Variants in USP6NL observed in about 807,000 individuals in gnomAD.
USP6NL encodes the protein USP6 N-terminal like.
Under a neutral mutation model 61.9 loss-of-function variants are expected in USP6NL, and 26 were observed. That is an observed-to-expected ratio of 0.42 (90% confidence interval 0.31 to 0.58). The LOEUF is 0.58. Among genes scored for constraint, USP6NL ranks in the 20% least tolerant of loss-of-function variants. The probability of loss-of-function intolerance (pLI) is 0.16; values close to 1 mark genes in which losing one functional copy is unlikely to be tolerated. For synonymous variants in USP6NL, 432 were observed against 390.1 expected (o/e 1.11, Z -1.27); for missense variants, 1,114 against 1,034.3 (o/e 1.08, Z -1.06).
intron 2 of USP6NL, among the ~76,000 whole-genome samples, chr10:11,583,336 C>T (rs1248790951): frequency 3.3e-5 from 5 of 151,524 alleles, no homozygotes; most frequent in Admixed American, 6.6e-5. Context: ...TACAAGAGCC[C>T]GCCACTGTGG....
rs531727697 is a variant in USP6NL, at chr10:11,592,972, C to G, written c.4+4659G>C. Among the ~76,000 whole-genome samples the G allele has an allele frequency of 4.6e-5, 7 of 152,352 alleles. No homozygotes were observed. The South Asian group carries it at 1.4e-3, about 32-fold the overall frequency. On this transcript the variant is annotated intron_variant, in intron 2 of 14. Coordinates refer to ENST00000609104, the MANE Select transcript of USP6NL (RefSeq NM_014688.5). The surrounding 1 kb of genome is among the most constrained non-coding windows in gnomAD (Gnocchi z 4.7). The stretch of plus-strand genomic sequence containing the variant: ...ATACTATTAGAAAACCACAAATACA[C>G]TACACCCCAAATTACTCACTGCCAT...
chr10:11,479,641 T>G (rs1303359214), intron 14 of USP6NL, among the ~76,000 whole-genome samples: 1 of 150,598 alleles, frequency 6.6e-6, no homozygotes, highest in Non-Finnish European at 1.5e-5. Flanking sequence ...AGTGACGCGA[T>G]CTCAGCTCAC....
chr10:11,578,510 G>A (rs564291029), intron 2 of USP6NL, among the ~76,000 whole-genome samples: 34 of 152,210 alleles, frequency 2.2e-4, no homozygotes, highest in South Asian at 6.2e-4. Context: ...AGGCAAAGGC[G>A]GAAGGATCCC....
At chr10:11,538,891 AC>A (rs778276493) in intron 2 of USP6NL, among the ~76,000 whole-genome samples, 2 of 150,670 alleles carry the variant, frequency 1.3e-5, no homozygotes, top group Non-Finnish European at 3.0e-5. Flanking sequence ...TTGTGCTCCA[AC>A]CCTCTCTTCA....
chr10:11,529,406 A>G (rs1262397156), intron 2 of USP6NL, among the ~76,000 whole-genome samples: 1 of 152,226 alleles, frequency 6.6e-6, no homozygotes, highest in African/African-American at 2.4e-5. Flanking sequence ...ATCCTTACCC[A>G]GCACTACTGC....
At chr10:11,568,359 CAA>C (rs1837243286) in intron 2 of USP6NL, among the ~76,000 whole-genome samples, 2 of 152,252 alleles carry the variant, frequency 1.3e-5, no homozygotes, top group South Asian at 2.1e-4. Flanking sequence ...CACCATGACA[CAA>C]AGACATTCGC....
chr10:11,548,944 T>C lies in USP6NL; in HGVS notation c.5-21377A>G, dbSNP rs985423740. On this transcript the variant is annotated intron_variant, in intron 2 of 14. Coordinates refer to ENST00000609104, the MANE Select transcript of USP6NL (RefSeq NM_014688.5). This position sits in a 1 kb window ranked among gnomAD's most constrained non-coding sequence, Gnocchi z 4.3. ...GACCATTATTTCCTTTTAAACCCAT[T>C]CATAAACCATGATTTAATAAAACTA... 7.2e-5 allele frequency among the ~76,000 whole-genome samples: 11 copies of C among 152,302 alleles called. No homozygotes were observed. The highest frequency in any genetic ancestry group is 7.2e-4 in the Admixed American group (11 of 15,290).
rs986816802 is a variant in USP6NL at position 11,585,607 on chromosome 10, A to G, written c.4+12024T>C. On this transcript the variant is annotated intron_variant, in intron 2 of 14. Coordinates refer to ENST00000609104, the MANE Select transcript of USP6NL (RefSeq NM_014688.5). The surrounding 1 kb of genome is among the most constrained non-coding windows in gnomAD (Gnocchi z 4.5). The stretch of plus-strand genomic sequence containing the variant: ...AACCCGGGATGCGGAGCTTTCAGTG[A>G]GCCGTGATCAAGGACACTGCACTCC... Among the ~76,000 whole-genome samples the G allele has an allele frequency of 2.2e-4, 34 of 152,244 alleles. No individual in the cohort carries two copies. The highest frequency in any genetic ancestry group is 7.0e-4 in the African/African-American group (29 of 41,538).
chr10:11,596,775 C>T lies in USP6NL; in HGVS notation c.4+856G>A, dbSNP rs1838343259. Among the ~76,000 whole-genome samples the T allele has an allele frequency of 1.3e-5, 2 of 152,128 alleles. No homozygotes were observed. Among genetic ancestry groups the T allele is most frequent in the Admixed American group, 6.5e-5 (1 of 15,272 alleles). ...CAATATTATTCTTAGTAGAAGCACT[C>T]CAATATTTTACAACAGCAGCGTCAT... On this transcript the variant is annotated intron_variant, in intron 2 of 14. Coordinates refer to ENST00000609104, the MANE Select transcript of USP6NL (RefSeq NM_014688.5). This position sits in a 1 kb window ranked among gnomAD's most constrained non-coding sequence, Gnocchi z 4.1.
Position 11,476,181 on chromosome 10 carries a change from C to A in USP6NL, c.1078+5589G>T, listed in dbSNP as rs1196253872. On this transcript the variant is annotated intron_variant, in intron 14 of 14. Coordinates refer to ENST00000609104, the MANE Select transcript of USP6NL (RefSeq NM_014688.5). This position sits in a 1 kb window ranked among gnomAD's most constrained non-coding sequence, Gnocchi z 4.3. ...AGTGCTGGTGAGAAAAACAGCTTAA[C>A]AGGCAGCCTAAGGGACAACTGGAAA... Among the ~76,000 whole-genome samples, 1 of 152,208 alleles carries A rather than the reference C, an allele frequency of 6.6e-6. No homozygotes were observed. The highest frequency in any genetic ancestry group is 1.9e-4 in the East Asian group (1 of 5,200).
rs2096214041 is a variant in USP6NL, at chr10:11,461,491, G to A, written c.*950C>T. ...ACCTTCGTGGGGAGAAGCCATGTGA[G>A]TCGAGGCAGAAGAAAGAAGTAACCA... On this transcript the variant is annotated 3_prime_UTR_variant, in exon 15 of 15. Transcript: ENST00000609104. 1 of 152,226 alleles carries A rather than the reference G, an allele frequency of 6.6e-6. No homozygotes were observed. The highest frequency in any genetic ancestry group is 6.5e-5 in the Admixed American group (1 of 15,286). 9.4% of individuals were successfully genotyped at this position (152,226 alleles called of 1,614,324 possible).
chr10:11,523,511 T>C (rs548258275), intron 4 of USP6NL, among the ~76,000 whole-genome samples: 101 of 152,346 alleles, frequency 6.6e-4, no homozygotes, highest in South Asian at 2.1e-3. Flanking sequence ...TCCCCCAAAT[T>C]AATGGACTGT....
chr10:11,519,876 C>G (rs1239063784), intron 4 of USP6NL, among the ~76,000 whole-genome samples: 1 of 152,168 alleles, frequency 6.6e-6, no homozygotes, highest in Non-Finnish European at 1.5e-5. Context: ...TTTGGCAACA[C>G]TATGTTTATA....
At chr10:11,569,334 T>C (rs1196294354) in intron 2 of USP6NL, among the ~76,000 whole-genome samples, 2 of 152,326 alleles carry the variant, frequency 1.3e-5, no homozygotes, top group African/African-American at 4.8e-5. Flanking sequence ...GACCATATTA[T>C]GGCAATTTTA....
intron 14 of USP6NL, among the ~76,000 whole-genome samples, chr10:11,464,834 T>C (rs1438287004): frequency 1.3e-5 from 2 of 152,228 alleles, no homozygotes; most frequent in Non-Finnish European, 2.9e-5. Flanking sequence ...AAAATGCTTG[T>C]AATTCAGAAA....
intron 13 of USP6NL, among the ~76,000 whole-genome samples, chr10:11,484,627 T>G (rs1236287029): frequency 6.6e-6 from 1 of 152,162 alleles, no homozygotes; most frequent in Non-Finnish European, 1.5e-5. Flanking sequence ...ACTGCAAACT[T>G]GAGATTCAGA....
At chr10:11,486,987 A>C (rs539254335) in intron 10 of USP6NL, among the ~76,000 whole-genome samples, 14 of 152,202 alleles carry the variant, frequency 9.2e-5, no homozygotes, top group South Asian at 4.1e-4. Context: ...GTGTGTAAAA[A>C]TTTCCAGAGA....
Position 11,462,961 on chromosome 10 carries a change from G to C in USP6NL, c.1967C>G (p.Pro656Arg). 2 of 1,613,820 alleles carry C rather than the reference G, an allele frequency of 1.2e-6. No homozygotes were observed. Among genetic ancestry groups the C allele is most frequent in the Non-Finnish European group, 1.7e-6 (2 of 1,179,812 alleles). ...FPTANSSFAS[P>R]QFSPGTQLNP... Reference sequence around the variant, plus strand: ...CAGTTGAGTCCCAGGGCTAAACTGTGGAGAAGCAAAGCTGCTGTTGGCAGT... The same window carrying C: ...CAGTTGAGTCCCAGGGCTAAACTGTCGAGAAGCAAAGCTGCTGTTGGCAGT... Residue 656 changes from proline to arginine, a missense_variant, in exon 15 of 15, where the codon CCA becomes CGA. Transcript: ENST00000609104.
At position 11,491,244 on chromosome 10, in the gene USP6NL, T is replaced by C. The variant is rs187056687; in HGVS notation, c.495-364A>G. On this transcript the variant is annotated intron_variant, in intron 8 of 14. Transcript: ENST00000609104. The surrounding 1 kb of genome is among the most constrained non-coding windows in gnomAD (Gnocchi z 4.7). ...CAGTGACATTGCCAGCAAGGTACAA[T>C]ACCCTGCAGGGAAAGGGTGATGTCC... Among the ~76,000 whole-genome samples the C allele has an allele frequency of 3.4e-4, 52 of 152,238 alleles. No homozygotes were observed. Among genetic ancestry groups the C allele is most frequent in the African/African-American group, 1.1e-3 (46 of 41,540 alleles).
Sources: gnomAD v4.1 joint callset for allele counts (sites outside exome capture counted in the v4.1 genomes callset) on GRCh38, gnomAD v4.1.1 for gene constraint, Gnocchi (gnomAD v3.1) non-coding constraint, MANE v1.5 for transcripts, NCBI Gene and HGNC (gene_info 2026-07-23, HGNC 2026-07-21) for gene names.